The following ASTN2 variants were observed in gnomAD, a reference collection of about 807,000 sequenced individuals.
ASTN2 encodes the protein astrotactin 2, also known as astrotactin-2.
ASTN2 carries 54 observed loss-of-function variants against 139.8 expected under a neutral mutation model. That is an observed-to-expected ratio of 0.39 (90% CI 0.31 to 0.48). ASTN2 has a LOEUF of 0.48. ASTN2 is among the 20% of genes least tolerant of loss of function. The pLI, the probability that ASTN2 is intolerant of heterozygous loss-of-function variation, is 0.95. For synonymous variants in ASTN2, 756 were observed against 719.5 expected (o/e 1.05, Z -0.81); for missense variants, 1,565 against 1,725.1 (o/e 0.91, Z 1.64).
At chr9:116,878,838 A>C (rs1341335715) in intron 10 of ASTN2, among the ~76,000 whole-genome samples, 1 of 151,792 alleles carries the variant, frequency 6.6e-6, no homozygotes, top group Non-Finnish European at 1.5e-5. Flanking sequence ...TTATTTATTC[A>C]TAAAGTACCC....
intron 19 of ASTN2, among the ~76,000 whole-genome samples, chr9:116,577,222 G>A (rs1405552864): frequency 6.6e-6 from 1 of 152,096 alleles, no homozygotes; most frequent in African/African-American, 2.4e-5. Context: ...CAGTAAAATG[G>A]GAAGACACAA....
intron 10 of ASTN2, among the ~76,000 whole-genome samples, chr9:116,948,604 A>C (rs1162510761): frequency 6.6e-6 from 1 of 151,814 alleles, no homozygotes; most frequent in South Asian, 2.1e-4. Context: ...TGGATACTAC[A>C]TATGCTCATT....
At chr9:117,267,423 A>G (rs1306466763) in intron 2 of ASTN2, among the ~76,000 whole-genome samples, 1 of 152,184 alleles carries the variant, frequency 6.6e-6, no homozygotes, top group African/African-American at 2.4e-5. Flanking sequence ...GAGACAGGGG[A>G]AAGCTCAGAA....
chr9:116,753,247 G>C (rs1366294236), intron 13 of ASTN2, among the ~76,000 whole-genome samples: 2 of 152,206 alleles, frequency 1.3e-5, no homozygotes, highest in Non-Finnish European at 2.9e-5. Context: ...AAAGGAGCCA[G>C]TCTAAAAGGG....
intron 11 of ASTN2, among the ~76,000 whole-genome samples, chr9:116,844,312 G>A (rs1832358909): frequency 2.0e-5 from 3 of 152,108 alleles, no homozygotes; most frequent in Non-Finnish European, 4.4e-5. Flanking sequence ...CTGCCAGGTG[G>A]GACGGTTTCT....
At chr9:116,619,194 C>G (rs1358638421) in intron 18 of ASTN2, among the ~76,000 whole-genome samples, 1 of 152,148 alleles carries the variant, frequency 6.6e-6, no homozygotes, top group Non-Finnish European at 1.5e-5. Context: ...TTCTCACCCA[C>G]AGAGTTCGAT....
At chr9:116,554,194 G>A (rs1315068137) in intron 19 of ASTN2, among the ~76,000 whole-genome samples, 3 of 152,170 alleles carry the variant, frequency 2.0e-5, no homozygotes, top group South Asian at 4.2e-4. Context: ...ATTATCTCTC[G>A]TAATGATACC....
chr9:117,386,550 G>A (rs992511273), intron 1 of ASTN2, among the ~76,000 whole-genome samples: 3 of 152,244 alleles, frequency 2.0e-5, no homozygotes, highest in African/African-American at 4.8e-5. Flanking sequence ...GATGGACCAC[G>A]AGCTGTCTTT....
chr9:117,336,770 G>T (rs1038431567), intron 1 of ASTN2, among the ~76,000 whole-genome samples: 1 of 152,038 alleles, frequency 6.6e-6, no homozygotes, highest in African/African-American at 2.4e-5. Context: ...TTCCCATATG[G>T]CCCCACCCCT....
chr9:116,741,112 C>G (rs370576554), intron 13 of ASTN2, among the ~76,000 whole-genome samples: 68 of 152,288 alleles, frequency 4.5e-4, no homozygotes, highest in African/African-American at 1.5e-3. Context: ...TCCTCTGCCA[C>G]TCTGTCCTAC....
intron 20 of ASTN2, among the ~76,000 whole-genome samples, chr9:116,444,022 G>C (rs1457586563): frequency 6.6e-6 from 1 of 152,098 alleles, no homozygotes; most frequent in East Asian, 1.9e-4. Flanking sequence ...ACCCTAATAT[G>C]TGTCAAGCAC....
intron 1 of ASTN2, among the ~76,000 whole-genome samples, chr9:117,356,802 G>A (rs535512035): frequency 2.0e-5 from 3 of 152,280 alleles, no homozygotes; most frequent in Non-Finnish European, 2.9e-5. Context: ...AGTGGCTCAC[G>A]CCTGTAATCT....
chr9:117,273,223 C>T (rs1354639801), intron 2 of ASTN2, among the ~76,000 whole-genome samples: 1 of 152,162 alleles, frequency 6.6e-6, no homozygotes, highest in Non-Finnish European at 1.5e-5. Context: ...GAGACTTATT[C>T]ACTATCATGA....
chr9:116,762,780 C>G (rs1829706380), intron 13 of ASTN2, among the ~76,000 whole-genome samples: 1 of 152,210 alleles, frequency 6.6e-6, no homozygotes, highest in Admixed American at 6.5e-5. Flanking sequence ...GCCAGTGCAA[C>G]AGCAAAGCTG....
At chr9:117,167,106 G>A (rs1830686420) in intron 3 of ASTN2, among the ~76,000 whole-genome samples, 1 of 151,930 alleles carries the variant, frequency 6.6e-6, no homozygotes, top group South Asian at 2.1e-4. Context: ...AATTTTGATA[G>A]GTAAGATTAG....
rs529848312 is a variant in ASTN2 at position 116,808,139 on chromosome 9, CA to C, written c.2208-2320del. ...AAAAACAAAACAAAACAAAACAAGA[CA>C]AAAAAACCATTATCAAAGTCTATAG... On this transcript the variant is annotated intron_variant, in intron 12 of 22. Transcript: ENST00000313400. Among the ~76,000 whole-genome samples, 14 of 151,994 alleles carry C rather than the reference CA, an allele frequency of 9.2e-5. No homozygotes were observed. The South Asian group carries it at 2.9e-3, about 32-fold the overall frequency.
intron 1 of ASTN2, among the ~76,000 whole-genome samples, chr9:117,336,189 C>A (rs77251105): frequency 0.012 from 1,855 of 152,114 alleles, 38 homozygotes; most frequent in African/African-American, 0.042. Flanking sequence ...GAAGGAGGTG[C>A]TTGCATGGAG....
chr9:117,017,929 C>T (rs1400561753), intron 6 of ASTN2, among the ~76,000 whole-genome samples: 1 of 150,104 alleles, frequency 6.7e-6, no homozygotes, highest in South Asian at 2.1e-4. Context: ...GGTGATCCTC[C>T]TTGGGACACA....
intron 4 of ASTN2, among the ~76,000 whole-genome samples, chr9:117,128,817 A>C (rs544900447): frequency 1.0e-3 from 153 of 152,230 alleles, no homozygotes; most frequent in Non-Finnish European, 7.1e-4. Context: ...ATCATGGCGG[A>C]AGGCAAGGAG....
Sources: gnomAD v4.1 joint callset for allele counts (sites outside exome capture counted in the v4.1 genomes callset) on GRCh38, gnomAD v4.1.1 for gene constraint, MANE v1.5 for transcripts, NCBI Gene and HGNC (gene_info 2026-07-23, HGNC 2026-07-21) for gene names.